Variants in NTNG1 observed in about 807,000 individuals in gnomAD.
The protein encoded by NTNG1 is netrin-G1.
A neutral mutation model predicts 54.0 loss-of-function variants in NTNG1; 16 were observed. The ratio of observed to expected loss-of-function variants is 0.30; its 90% CI spans 0.20 to 0.45. The LOEUF is 0.45. NTNG1 is among the 20% of genes least tolerant of loss of function. The probability of loss-of-function intolerance (pLI) is 1.00; values close to 1 mark genes in which losing one functional copy is unlikely to be tolerated. For synonymous variants in NTNG1, 255 were observed against 263.1 expected, an observed-to-expected ratio of 0.97 and a Z score of 0.30; for missense variants, 530 against 678.7, an observed-to-expected ratio of 0.78 and a Z score of 2.43.
At chr1:107,480,570 C>T in intron 7 of NTNG1, 41 bp from the exon 8 acceptor site, 5 of 533,680 alleles carry the variant, frequency 9.4e-6, no homozygotes, top group Non-Finnish European at 7.2e-6. Context: ...TGCTTCTCCT[C>T]CCCGCGCCCA....
chr1:107,210,087 A>T (rs1453488681), intron 2 of NTNG1, among the ~76,000 whole-genome samples: 1 of 152,126 alleles, frequency 6.6e-6, no homozygotes, highest in African/African-American at 2.4e-5. Flanking sequence ...CTGCAATGAG[A>T]TGGAAACGTG....
intron 4 of NTNG1, among the ~76,000 whole-genome samples, chr1:107,400,103 T>C (rs529987212): frequency 6.6e-6 from 1 of 152,234 alleles, no homozygotes; most frequent in East Asian, 1.9e-4. Flanking sequence ...TTCAGAAAAA[T>C]TTTTCAGCTG....
chr1:107,340,597 T>C (rs1208751125), intron 3 of NTNG1, among the ~76,000 whole-genome samples: 2 of 152,084 alleles, frequency 1.3e-5, no homozygotes, highest in Non-Finnish European at 2.9e-5. Context: ...AACAAAAACA[T>C]ATGTAAAGAT....
chr1:107,287,989 C>T (rs902124831), intron 2 of NTNG1, among the ~76,000 whole-genome samples: 3 of 152,012 alleles, frequency 2.0e-5, no homozygotes, highest in African/African-American at 4.8e-5. Context: ...AATACATAAT[C>T]GCACCTATCA....
intron 2 of NTNG1, among the ~76,000 whole-genome samples, chr1:107,301,890 G>T (rs1032419766): frequency 6.6e-6 from 1 of 152,160 alleles, no homozygotes; most frequent in Non-Finnish European, 1.5e-5. Context: ...ATGAGGGAGA[G>T]CGTCTATATG....
intron 7 of NTNG1, among the ~76,000 whole-genome samples, chr1:107,452,703 T>C (rs1676699607): frequency 6.6e-6 from 1 of 152,194 alleles, no homozygotes; most frequent in African/African-American, 2.4e-5. Flanking sequence ...TCCAAGTGTC[T>C]GCTTCCCCTT....
chr1:107,306,780 G>A (rs548406074), intron 2 of NTNG1, among the ~76,000 whole-genome samples: 111 of 151,966 alleles, frequency 7.3e-4, no homozygotes, highest in Middle Eastern at 6.8e-3. Context: ...AGTGTAAATG[G>A]AAAAAAATAA....
At chr1:107,183,326 T>G (rs1657210165) in intron 2 of NTNG1, among the ~76,000 whole-genome samples, 1 of 152,200 alleles carries the variant, frequency 6.6e-6, no homozygotes, top group Admixed American at 6.5e-5. Context: ...GAAATAGCCC[T>G]CATTTGCATT....
At position 107,443,832 on chromosome 1, in the gene NTNG1, C is replaced by T. The variant is rs555904522; in HGVS notation, c.1390+7033C>T. ...TTAATTTCCTTAGTATCATTAGTTT[C>T]CAATAGCACCTTGAACACAGCATCA... On this transcript the variant is annotated intron_variant, in intron 7 of 7. Coordinates refer to ENST00000370068, the MANE Select transcript of NTNG1 (RefSeq NM_001113226.3). Among the ~76,000 whole-genome samples, 4 of 152,166 alleles carry T rather than the reference C, an allele frequency of 2.6e-5. No individual in the cohort carries two copies. In the South Asian group the frequency reaches 8.3e-4, roughly 32 times the overall value.
chr1:107,447,687 A>G (rs1676390103), intron 7 of NTNG1, among the ~76,000 whole-genome samples: 1 of 152,082 alleles, frequency 6.6e-6, no homozygotes. Context: ...GGTTCAATCA[A>G]CTATGTTCAA....
In NTNG1 at chr1:107,442,349, C is replaced by A. The variant is rs576574821; in HGVS notation, c.1390+5550C>A. Among the ~76,000 whole-genome samples the A allele has an allele frequency of 9.2e-5, 14 of 152,106 alleles. 1 individual carries two copies. In the South Asian group the frequency reaches 2.9e-3, roughly 32 times the overall value. On this transcript the variant is annotated intron_variant, in intron 7 of 7. Coordinates refer to ENST00000370068, the MANE Select transcript of NTNG1 (RefSeq NM_001113226.3). Reference sequence around the variant, plus strand: ...TTTTAAAAATGGGTGTTCACATATGCACATACACATACAATCACTTTTATT... The same window carrying A: ...TTTTAAAAATGGGTGTTCACATATGAACATACACATACAATCACTTTTATT...
intron 3 of NTNG1, among the ~76,000 whole-genome samples, chr1:107,337,082 G>A (rs1668625731): frequency 6.6e-6 from 1 of 151,940 alleles, no homozygotes; most frequent in South Asian, 2.1e-4. Flanking sequence ...ACATAAAATT[G>A]CCATATGATC....
chr1:107,226,855 C>T (rs745513244), intron 2 of NTNG1, among the ~76,000 whole-genome samples: 11 of 152,090 alleles, frequency 7.2e-5, no homozygotes, highest in Non-Finnish European at 1.5e-4. Context: ...GTAACTGGCT[C>T]AGTCTCCAAA....
chr1:107,181,599 C>G (rs555045779), intron 2 of NTNG1, among the ~76,000 whole-genome samples: 27 of 38,848 alleles, frequency 7.0e-4, no homozygotes, highest in African/African-American at 1.4e-3. Flanking sequence ...CACAAATAAT[C>G]GCAGATTACA....
At chr1:107,271,120 C>G (rs935820529) in intron 2 of NTNG1, among the ~76,000 whole-genome samples, 5 of 152,094 alleles carry the variant, frequency 3.3e-5, no homozygotes, top group African/African-American at 1.2e-4. Context: ...ATAACTTTGT[C>G]TATAAAGATA....
At chr1:107,292,210 C>T (rs974404802) in intron 2 of NTNG1, among the ~76,000 whole-genome samples, 4 of 152,152 alleles carry the variant, frequency 2.6e-5, no homozygotes, top group African/African-American at 9.7e-5. Flanking sequence ...TTAGAAATAC[C>T]AGTGTTGCCA....
chr1:107,431,621 A>G (rs1200164548), intron 6 of NTNG1, among the ~76,000 whole-genome samples: 1 of 152,110 alleles, frequency 6.6e-6, no homozygotes, highest in Non-Finnish European at 1.5e-5. Context: ...CCTAGGGAGG[A>G]CCAGGCACCT....
intron 2 of NTNG1, among the ~76,000 whole-genome samples, chr1:107,161,004 T>G (rs1655359938): frequency 6.6e-6 from 1 of 152,156 alleles, no homozygotes; most frequent in African/African-American, 2.4e-5. Flanking sequence ...GTTTTACTCC[T>G]TACAGGCCAC....
chr1:107,389,910 A>G (rs1672261495), intron 3 of NTNG1, among the ~76,000 whole-genome samples: 1 of 152,198 alleles, frequency 6.6e-6, no homozygotes, highest in Admixed American at 6.5e-5. Flanking sequence ...GGGAATGGAT[A>G]ATGAATCTGT....
Sources: allele counts gnomAD v4.1 joint callset (sites outside exome capture counted in the v4.1 genomes callset), GRCh38; gene constraint gnomAD v4.1.1; transcripts MANE v1.5; gene names NCBI Gene and HGNC (gene_info 2026-07-23, HGNC 2026-07-21).